Variants in RBFOX1 observed in about 807,000 individuals in gnomAD.
The protein encoded by RBFOX1 is RNA binding protein fox-1 homolog 1.
In RBFOX1, 8 loss-of-function variants were observed where a neutral mutation model predicts 57.7. The observed-to-expected ratio is 0.14, with a 90% confidence interval of 0.08 to 0.25. The LOEUF (loss-of-function observed/expected upper bound fraction) is 0.25, where lower values mean the gene tolerates loss of function less well. Ranked by LOEUF, RBFOX1 falls within the 10% of genes least tolerant of loss-of-function variation. The pLI, the probability that RBFOX1 is intolerant of heterozygous loss-of-function variation, is 1.00. For missense variants in RBFOX1, 611 were observed against 548.5 expected (o/e 1.11, Z -1.14); for synonymous variants, 326 against 222.4 (o/e 1.47, Z -4.15).
At chr16:6,771,160 A>G (rs2078226690) in intron 3 of RBFOX1, among the ~76,000 whole-genome samples, 1 of 152,206 alleles carries the variant, frequency 6.6e-6, no homozygotes, top group Admixed American at 6.5e-5. Flanking sequence ...GAGGGGGAAG[A>G]TGGTCGTCTG....
chr16:6,710,598 T>A (rs1162097683), intron 3 of RBFOX1, among the ~76,000 whole-genome samples: 4 of 152,222 alleles, frequency 2.6e-5, no homozygotes, highest in African/African-American at 9.6e-5. Flanking sequence ...CATTTGCAAC[T>A]GAAAGAAGCC....
downstream of RBFOX1, among the ~76,000 whole-genome samples, chr16:5,602,350 T>C (rs975807994): frequency 6.6e-6 from 1 of 152,236 alleles, no homozygotes; most frequent in Non-Finnish European, 1.5e-5. Context: ...TGTTTGTATA[T>C]TTATTAAGGA....
At chr16:7,276,769 C>G (rs2095448390) in intron 4 of RBFOX1, among the ~76,000 whole-genome samples, 2 of 152,094 alleles carry the variant, frequency 1.3e-5, no homozygotes. Flanking sequence ...ATTACAAATC[C>G]TCATAAAATA....
chr16:7,287,841 G>C (rs1250471964), intron 4 of RBFOX1, among the ~76,000 whole-genome samples: 1 of 152,156 alleles, frequency 6.6e-6, no homozygotes, highest in Admixed American at 6.5e-5. Context: ...TTATGGATTT[G>C]CATATTACCT....
chr16:7,069,820 A>G (rs573632747), intron 4 of RBFOX1, among the ~76,000 whole-genome samples: 5 of 152,134 alleles, frequency 3.3e-5, no homozygotes, highest in Non-Finnish European at 7.3e-5. Context: ...CCTCCTATCC[A>G]TGTCTCAATT....
At chr16:7,681,590 A>T (rs2074766161) in intron 14 of RBFOX1, among the ~76,000 whole-genome samples, 1 of 152,174 alleles carries the variant, frequency 6.6e-6, no homozygotes, top group Non-Finnish European at 1.5e-5. Flanking sequence ...ACTAAAAATT[A>T]AGGAATTGTC....
intron 1 of RBFOX1, among the ~76,000 whole-genome samples, chr16:5,374,975 G>A (rs888567850): frequency 6.6e-6 from 1 of 151,008 alleles, no homozygotes; most frequent in African/African-American, 2.4e-5. Context: ...TCCTGGGATA[G>A]GTGAAAGGGA....
chr16:5,364,405 G>A (rs1431270671), intron 1 of RBFOX1, among the ~76,000 whole-genome samples: 1 of 152,148 alleles, frequency 6.6e-6, no homozygotes, highest in Non-Finnish European at 1.5e-5. Context: ...GTTGCCAATC[G>A]ACTTGGCAAT....
chr16:6,759,531 T>G (rs1243297618), intron 3 of RBFOX1, among the ~76,000 whole-genome samples: 1 of 151,480 alleles, frequency 6.6e-6, no homozygotes, highest in Non-Finnish European at 1.5e-5. Context: ...GTATTTTCAG[T>G]TTTTGTCCAT....
At chr16:6,196,622 A>G (rs1379881576) in intron 1 of RBFOX1, among the ~76,000 whole-genome samples, 1 of 152,176 alleles carries the variant, frequency 6.6e-6, no homozygotes. Context: ...GAGAAATAAC[A>G]TGCAATTCCA....
intron 4 of RBFOX1, among the ~76,000 whole-genome samples, chr16:7,201,614 C>T (rs534546219): frequency 9.2e-5 from 14 of 152,254 alleles, no homozygotes; most frequent in African/African-American, 3.4e-4. Context: ...AGGTGTCCAA[C>T]ACCACGCCTG....
rs188265209 is a variant in RBFOX1, at chr16:6,252,933, A to C, written c.-126-64062A>C. On this transcript the variant is annotated intron_variant, in intron 1 of 15. Transcript: ENST00000550418. ...AACAACAATGTATTGTGTGCTTACC[A>C]TGTGACAGGTAATATGCTAGACTAC... Among the ~76,000 whole-genome samples the C allele has an allele frequency of 2.2e-4, 34 of 152,250 alleles. No homozygotes were observed. The East Asian group carries it at 5.4e-3, about 24-fold the overall frequency.
intron 1 of RBFOX1, among the ~76,000 whole-genome samples, chr16:6,186,454 ATACT>A (rs1276387872): frequency 6.6e-6 from 1 of 152,160 alleles, no homozygotes; most frequent in Non-Finnish European, 1.5e-5. Context: ...GTCTGTAAAG[ATACT>A]TGCTTGGTTA....
rs189442815 is a variant in RBFOX1 at position 5,267,923 on chromosome 16, A to T, written c.219+27818A>T. On this transcript the variant is annotated intron_variant, in intron 1 of 2. Transcript: ENST00000585867. Reference sequence around the variant, plus strand: ...ATGATGAAACATCTCTACTAAAAATACAAAAATTAGCTTGGCATGGTGGCA... The same window carrying T: ...ATGATGAAACATCTCTACTAAAAATTCAAAAATTAGCTTGGCATGGTGGCA... 2.3e-4 allele frequency among the ~76,000 whole-genome samples: 35 copies of T among 152,302 alleles called. No homozygotes were observed. The East Asian group carries it at 3.5e-3, about 15-fold the overall frequency.
intron 1 of RBFOX1, among the ~76,000 whole-genome samples, chr16:6,297,767 C>G (rs1046163841): frequency 1.3e-5 from 2 of 152,040 alleles, no homozygotes; most frequent in Non-Finnish European, 2.9e-5. Flanking sequence ...AATGGCATGG[C>G]AGAAAGAAGA....
intron 1 of RBFOX1, among the ~76,000 whole-genome samples, chr16:6,100,658 A>G (rs2096295254): frequency 6.6e-6 from 1 of 152,214 alleles, no homozygotes; most frequent in Non-Finnish European, 1.5e-5. Flanking sequence ...CTTTCCATAC[A>G]TTGATCTATC....
At position 6,049,880 on chromosome 16, in the gene RBFOX1, A is replaced by C. The variant is rs183931964; in HGVS notation, c.-127+29888A>C. On this transcript the variant is annotated intron_variant, in intron 1 of 15. Coordinates refer to ENST00000550418, the MANE Select transcript of RBFOX1 (RefSeq NM_018723.4). ...GTTTGTTTATTTGAAACAGGATCCAAATAAAGGCAGTACACTGTGATTGAT... is the reference window on the plus strand; with the variant it reads ...GTTTGTTTATTTGAAACAGGATCCACATAAAGGCAGTACACTGTGATTGAT... Among the ~76,000 whole-genome samples, 88 of 152,154 alleles carry C rather than the reference A, an allele frequency of 5.8e-4. 2 individuals carry two copies. The highest frequency in any genetic ancestry group is 1.7e-3 in the Admixed American group (26 of 15,270).
intron 2 of RBFOX1, among the ~76,000 whole-genome samples, chr16:6,595,304 C>T (rs930974710): frequency 1.3e-5 from 2 of 152,150 alleles, no homozygotes; most frequent in African/African-American, 4.8e-5. Context: ...TAAATTGAAT[C>T]ATGTAATATG....
chr16:5,404,616 G>A (rs572539324), intron 1 of RBFOX1, among the ~76,000 whole-genome samples: 4 of 152,288 alleles, frequency 2.6e-5, no homozygotes, highest in South Asian at 2.1e-4. Context: ...TGGTTCCCAC[G>A]TTAGCTCTGA....
Sources: gnomAD v4.1 joint callset for allele counts (sites outside exome capture counted in the v4.1 genomes callset) on GRCh38, gnomAD v4.1.1 for gene constraint, MANE v1.5 for transcripts, NCBI Gene and HGNC (gene_info 2026-07-23, HGNC 2026-07-21) for gene names.